Variants in PTPRN2 observed in about 807,000 individuals in gnomAD.
PTPRN2 encodes protein tyrosine phosphatase receptor type N2.
A neutral mutation model predicts 118.8 loss-of-function variants in PTPRN2; 74 were observed. The observed-to-expected ratio is 0.62, with a 90% CI of 0.52 to 0.76. The LOEUF is 0.76. Among genes scored for constraint, PTPRN2 ranks in the 30% least tolerant of loss-of-function variants. PTPRN2 has a pLI of 0.00. For missense variants in PTPRN2, 1,481 were observed against 1,394.4 expected (o/e 1.06, Z -0.99); for synonymous variants, 641 against 608.0 (o/e 1.05, Z -0.80).
In PTPRN2 at chr7:157,785,370, G is replaced by A. The variant is rs1803965154; in HGVS notation, c.1789-102433C>T. ...AGCCACTGAGTGAAAACAGACCACG[G>A]TGCTCCAAAACGAAATCGCCCCCGA... On this transcript the variant is annotated intron_variant, in intron 12 of 22. Coordinates refer to ENST00000389418, the MANE Select transcript of PTPRN2 (RefSeq NM_002847.5). This position sits in a 1 kb window ranked among gnomAD's most constrained non-coding sequence, Gnocchi z 7.3. Among the ~76,000 whole-genome samples, 1 of 152,202 alleles carries A rather than the reference G, an allele frequency of 6.6e-6. No homozygotes were observed.
intron 12 of PTPRN2, among the ~76,000 whole-genome samples, chr7:157,759,189 C>T (rs1001408470): frequency 3.3e-5 from 5 of 152,366 alleles, no homozygotes; most frequent in East Asian, 1.9e-4. Context: ...GGTGCCTGGG[C>T]GCCGTGGGCG....
intron 2 of PTPRN2, among the ~76,000 whole-genome samples, chr7:158,395,917 G>A (rs1450369796): frequency 1.3e-5 from 2 of 152,022 alleles, no homozygotes; most frequent in African/African-American, 4.8e-5. Context: ...GCCTGCAGCA[G>A]GTGAGGTCGG....
intron 12 of PTPRN2, among the ~76,000 whole-genome samples, chr7:157,846,354 A>G (rs1307827499): frequency 6.6e-6 from 1 of 152,098 alleles, no homozygotes; most frequent in Non-Finnish European, 1.5e-5. Flanking sequence ...TCTCCTTCAG[A>G]GACGTATTGA....
At chr7:157,942,352 C>T (rs959699133) in intron 11 of PTPRN2, among the ~76,000 whole-genome samples, 4 of 152,182 alleles carry the variant, frequency 2.6e-5, no homozygotes, top group African/African-American at 7.2e-5. Context: ...GTTTTGCTCC[C>T]GCATCTGAGG....
At chr7:158,268,866 G>A (rs542667220) in intron 3 of PTPRN2, among the ~76,000 whole-genome samples, 18 of 146,256 alleles carry the variant, frequency 1.2e-4, no homozygotes, top group African/African-American at 2.3e-4. Context: ...CACACAGGGC[G>A]GGTGTGAAAT....
chr7:157,614,038 A>G (rs907750627), intron 15 of PTPRN2: 4 of 471,290 alleles, frequency 8.5e-6, no homozygotes, highest in Admixed American at 7.0e-5. Flanking sequence ...GATGCCTTGG[A>G]AAGCATCGTT....
At chr7:158,496,103 C>T (rs755251146) in intron 1 of PTPRN2, among the ~76,000 whole-genome samples, 2 of 151,856 alleles carry the variant, frequency 1.3e-5, no homozygotes, top group Non-Finnish European at 2.9e-5. Flanking sequence ...GACCTGGCAG[C>T]GGCCTGGACG....
At chr7:157,873,527 T>C (rs4546540) in intron 12 of PTPRN2, among the ~76,000 whole-genome samples, 22,722 of 127,354 alleles carry the variant, frequency 0.18, 802 homozygotes, top group East Asian at 0.23. Flanking sequence ...GAGAACGTAC[T>C]GTCCTCAAGG....
At chr7:158,184,589 A>T (rs1000757697) in intron 5 of PTPRN2, among the ~76,000 whole-genome samples, 10 of 152,164 alleles carry the variant, frequency 6.6e-5, no homozygotes, top group Non-Finnish European at 1.3e-4. Flanking sequence ...CAGGCAGTGG[A>T]TCACCTGAGG....
At chr7:157,600,578 T>C (rs1440212749) in intron 16 of PTPRN2, among the ~76,000 whole-genome samples, 1 of 152,224 alleles carries the variant, frequency 6.6e-6, no homozygotes, top group African/African-American at 2.4e-5. Flanking sequence ...CTGGCTAGTT[T>C]CTGTGTTTTT....
chr7:158,143,939 C>A (rs1819635300), intron 6 of PTPRN2, among the ~76,000 whole-genome samples: 1 of 152,144 alleles, frequency 6.6e-6, no homozygotes, highest in East Asian at 1.9e-4. Context: ...CACCGTCCCC[C>A]CCGCAGCCGG....
chr7:158,568,826 A>G (rs764835933), intron 1 of PTPRN2, among the ~76,000 whole-genome samples: 2 of 152,196 alleles, frequency 1.3e-5, no homozygotes, highest in Non-Finnish European at 2.9e-5. Context: ...TTTAAAAATT[A>G]CTAACATTAA....
At chr7:158,452,651 G>T (rs1276068098) in intron 2 of PTPRN2, among the ~76,000 whole-genome samples, 1 of 152,246 alleles carries the variant, frequency 6.6e-6, no homozygotes, top group Non-Finnish European at 1.5e-5. Flanking sequence ...GGCTTGGGGG[G>T]CTCGATAAGA....
rs750695753 is a variant in PTPRN2, at chr7:157,621,457, T to C, written c.2249A>G (p.Glu750Gly). ...KNKNRLEKEW[E>G]ALCAYQAEPN... Reference sequence around the variant, plus strand: ...CTCCGCCTGGTAGGCGCACAGCGCTTCCCACTCCTTCTCCAGCCGGTTCTT... The same window carrying C: ...CTCCGCCTGGTAGGCGCACAGCGCTCCCCACTCCTTCTCCAGCCGGTTCTT... Residue 750 changes from glutamate to glycine, a missense_variant, in exon 15 of 23, where the codon GAA becomes GGA. Coordinates refer to ENST00000389418, the MANE Select transcript of PTPRN2 (RefSeq NM_002847.5). The C allele has an allele frequency of 5.0e-6, 8 of 1,613,952 alleles. No individual in the cohort carries two copies. In the South Asian group the frequency reaches 7.7e-5, roughly 16 times the overall value.
At position 158,565,169 on chromosome 7, in the gene PTPRN2, C is replaced by T. The variant is rs1053038413; in HGVS notation, c.112+22389G>A. Among the ~76,000 whole-genome samples the T allele has an allele frequency of 6.6e-6, 1 of 152,084 alleles. No homozygotes were observed. Among genetic ancestry groups the T allele is most frequent in the Non-Finnish European group, 1.5e-5 (1 of 68,036 alleles). ...AGGTTCCCAGGAACATGACACAGTC[C>T]GTGCTACATCAGATCTGAGTATCAG... On this transcript the variant is annotated intron_variant, in intron 1 of 22. Transcript: ENST00000389418. This position sits in a 1 kb window ranked among gnomAD's most constrained non-coding sequence, Gnocchi z 4.6.
At chr7:157,753,381 G>C (rs1244294309) in intron 12 of PTPRN2, among the ~76,000 whole-genome samples, 1 of 152,090 alleles carries the variant, frequency 6.6e-6, no homozygotes, top group Non-Finnish European at 1.5e-5. Context: ...GTGCAGTTTG[G>C]TGCAAGCTTT....
chr7:158,371,074 A>G (rs1809953486), intron 2 of PTPRN2, among the ~76,000 whole-genome samples: 1 of 152,240 alleles, frequency 6.6e-6, no homozygotes, highest in African/African-American at 2.4e-5. Context: ...TCACTCGGTC[A>G]TAACGAAAAA....
At chr7:157,745,563 T>C (rs1030679385) in intron 12 of PTPRN2, among the ~76,000 whole-genome samples, 2 of 151,942 alleles carry the variant, frequency 1.3e-5, no homozygotes, top group Admixed American at 6.6e-5. Context: ...TCCCCTCCAT[T>C]TGCACCTCAG....
intron 11 of PTPRN2, among the ~76,000 whole-genome samples, chr7:157,994,704 GTTCCTAAAATCAACGCCGTGTCC>G (rs1804565319): frequency 1.9e-5 from 2 of 105,912 alleles, no homozygotes; most frequent in African/African-American, 8.4e-5. Context: ...ACAGCTCCTT[GTTCCTAAAATCAACGCCGTGTCC>G]CCAGCTTACA....
Sources: gnomAD v4.1 joint callset for allele counts (sites outside exome capture counted in the v4.1 genomes callset) on GRCh38, gnomAD v4.1.1 for gene constraint, Gnocchi (gnomAD v3.1) non-coding constraint, MANE v1.5 for transcripts, NCBI Gene and HGNC (gene_info 2026-07-23, HGNC 2026-07-21) for gene names.